The following PLXNA4 variants were observed in gnomAD, a reference collection of about 807,000 sequenced individuals.
The protein encoded by PLXNA4 is plexin A4.
PLXNA4 carries 44 observed loss-of-function variants against 191.8 expected under a neutral mutation model. The observed-to-expected ratio is 0.23, with a 90% CI of 0.18 to 0.29. PLXNA4 has a LOEUF of 0.29. Among genes scored for constraint, PLXNA4 ranks in the 10% least tolerant of loss-of-function variants. The pLI, the probability that PLXNA4 is intolerant of heterozygous loss-of-function variation, is 1.00. For synonymous variants in PLXNA4, 1,082 were observed against 1,009.5 expected (o/e 1.07, Z -1.36); for missense variants, 1,800 against 2,488.8 (o/e 0.72, Z 5.89).
chr7:132,218,486 C>T (rs1328800849), intron 9 of PLXNA4, among the ~76,000 whole-genome samples: 3 of 152,210 alleles, frequency 2.0e-5, no homozygotes, highest in Non-Finnish European at 4.4e-5. Context: ...CAGCAGCTCA[C>T]TTTGCTTTTC....
chr7:132,223,247 T>A (rs1275685750), intron 9 of PLXNA4, among the ~76,000 whole-genome samples: 2 of 152,178 alleles, frequency 1.3e-5, no homozygotes, highest in Non-Finnish European at 2.9e-5. Context: ...CTTTGGAATC[T>A]TTCTAGGACC....
At chr7:132,383,295 A>G (rs571516963) in intron 3 of PLXNA4, among the ~76,000 whole-genome samples, 1 of 152,324 alleles carries the variant, frequency 6.6e-6, no homozygotes, top group Admixed American at 6.5e-5. Context: ...TTGGACATGG[A>G]TATTTCAAAG....
upstream of PLXNA4, among the ~76,000 whole-genome samples, chr7:132,577,489 G>A: frequency 6.6e-6 from 1 of 151,468 alleles, no homozygotes; most frequent in East Asian, 2.0e-4. Flanking sequence ...CTGGCTCGGA[G>A]CTCGCGGCTG....
intron 1 of PLXNA4, among the ~76,000 whole-genome samples, chr7:132,563,755 CTCCTCCTTT>C (rs1801519935): frequency 9.1e-6 from 1 of 110,020 alleles, no homozygotes; most frequent in African/African-American, 3.5e-5. Context: ...CCTCCTCCTT[CTCCTCCTTT>C]TCCTCTTCCT....
chr7:132,561,968 A>C (rs1242984713), intron 1 of PLXNA4, among the ~76,000 whole-genome samples: 2,100 of 31,052 alleles, frequency 0.068, no homozygotes, highest in African/African-American at 0.084. Flanking sequence ...CCTCCTCCTT[A>C]TCCTCCTCCT....
At chr7:132,467,093 C>T (rs1796734836) in intron 3 of PLXNA4, among the ~76,000 whole-genome samples, 1 of 152,182 alleles carries the variant, frequency 6.6e-6, no homozygotes, top group Non-Finnish European at 1.5e-5. Flanking sequence ...ACTGAGAAGT[C>T]ACTGGTGGGA....
intron 12 of PLXNA4, among the ~76,000 whole-genome samples, chr7:132,200,440 C>A (rs1797395599): frequency 6.6e-6 from 1 of 152,194 alleles, no homozygotes; most frequent in Non-Finnish European, 1.5e-5. Flanking sequence ...AGAGGTCCAC[C>A]TGTCCTCCTA....
intron 4 of PLXNA4, among the ~76,000 whole-genome samples, chr7:132,253,554 T>C (rs1799329512): frequency 6.6e-6 from 1 of 152,122 alleles, no homozygotes; most frequent in Non-Finnish European, 1.5e-5. Flanking sequence ...CCAACTTTTC[T>C]TTATACCCAC....
chr7:132,163,373 A>T (rs1796006537), intron 24 of PLXNA4, among the ~76,000 whole-genome samples: 5 of 151,858 alleles, frequency 3.3e-5, no homozygotes, highest in Admixed American at 3.3e-4. Context: ...GCACAACTTC[A>T]CTCTGAGCAA....
chr7:132,523,853 T>A (rs747498632), intron 1 of PLXNA4, among the ~76,000 whole-genome samples: 3 of 152,108 alleles, frequency 2.0e-5, no homozygotes, highest in Admixed American at 2.0e-4. Flanking sequence ...GCTGGTACCA[T>A]TTAACTGATA....
intron 10 of PLXNA4, among the ~76,000 whole-genome samples, chr7:132,207,685 A>G (rs982433636): frequency 6.6e-6 from 1 of 152,174 alleles, no homozygotes; most frequent in African/African-American, 2.4e-5. Flanking sequence ...TTTGAGACCA[A>G]TTTATCACCC....
intron 2 of PLXNA4, among the ~76,000 whole-genome samples, chr7:132,612,389 G>A (rs753143247): frequency 1.1e-4 from 16 of 152,040 alleles, no homozygotes; most frequent in Admixed American, 5.9e-4. Context: ...GGCCAGGCGC[G>A]GTGGCTCATG....
intron 1 of PLXNA4, among the ~76,000 whole-genome samples, chr7:132,553,904 G>A (rs1585323977): frequency 6.6e-6 from 1 of 152,254 alleles, no homozygotes; most frequent in East Asian, 1.9e-4. Context: ...GATACACCAA[G>A]CCTTGGCCAA....
intron 2 of PLXNA4, among the ~76,000 whole-genome samples, chr7:132,600,501 C>A (rs2116839423): frequency 6.6e-6 from 1 of 152,152 alleles, no homozygotes; most frequent in Non-Finnish European, 1.5e-5. Context: ...TAGCTAGGAA[C>A]ACACGTGTGT....
intron 25 of PLXNA4, among the ~76,000 whole-genome samples, chr7:132,151,101 A>G (rs1795583366): frequency 6.6e-6 from 1 of 152,216 alleles, no homozygotes. Flanking sequence ...AGATCTCTCA[A>G]GCCTATTATT....
intron 3 of PLXNA4, among the ~76,000 whole-genome samples, chr7:132,380,479 A>T: frequency 6.6e-6 from 1 of 152,152 alleles, no homozygotes; most frequent in South Asian, 2.1e-4. Flanking sequence ...ACCGAGGGAG[A>T]AGATAATATA....
chr7:132,198,666 A>T, intron 12 of PLXNA4, 30 bp from the exon 13 acceptor site: 2 of 1,611,918 alleles, frequency 1.2e-6, no homozygotes, highest in Non-Finnish European at 1.7e-6. Flanking sequence ...TAATTAGACA[A>T]ACACCAAGAT....
chr7:132,262,042 C>A (rs1273280377), intron 4 of PLXNA4, among the ~76,000 whole-genome samples: 1 of 152,234 alleles, frequency 6.6e-6, no homozygotes, highest in Non-Finnish European at 1.5e-5. Context: ...CTCCTTCCTG[C>A]TCTAACAATC....
intron 3 of PLXNA4, among the ~76,000 whole-genome samples, chr7:132,455,028 G>A (rs1168892651): frequency 6.6e-6 from 1 of 152,218 alleles, no homozygotes; most frequent in Admixed American, 6.5e-5. Context: ...CCTGCACTGG[G>A]TGGCAGCCTG....
Sources: gnomAD v4.1 joint callset for allele counts (sites outside exome capture counted in the v4.1 genomes callset) on GRCh38, gnomAD v4.1.1 for gene constraint, MANE v1.5 for transcripts, NCBI Gene and HGNC (gene_info 2026-07-23, HGNC 2026-07-21) for gene names.